Variants in RIMS2 observed in about 807,000 individuals in gnomAD.
The protein encoded by RIMS2 is regulating synaptic membrane exocytosis 2, also known as regulating synaptic membrane exocytosis protein 2.
RIMS2 carries 59 observed loss-of-function variants against 174.4 expected under a neutral mutation model. The observed-to-expected ratio is 0.34, with a 90% CI of 0.27 to 0.42. The LOEUF (loss-of-function observed/expected upper bound fraction) is 0.42. Ranked by LOEUF, RIMS2 falls within the 10% of genes least tolerant of loss-of-function variation. The pLI is 1.00. For synonymous variants in RIMS2, 606 were observed against 572.5 expected (o/e 1.06, Z -0.84); for missense variants, 1,620 against 1,666.3 (o/e 0.97, Z 0.48).
intron 13 of RIMS2, among the ~76,000 whole-genome samples, chr8:103,938,961 C>G (rs2154536842): frequency 6.6e-6 from 1 of 152,320 alleles, no homozygotes; most frequent in South Asian, 2.1e-4. Context: ...AGCTCTACCC[C>G]TGTGGCTTTG....
chr8:103,684,618 G>A (rs1049851313), intron 1 of RIMS2, among the ~76,000 whole-genome samples: 4 of 145,510 alleles, frequency 2.7e-5, no homozygotes, highest in Admixed American at 6.8e-5. Context: ...ACAGACTCTC[G>A]CTCTATCCCC....
In RIMS2 at chr8:103,696,632, C is replaced by T. The variant is rs535046822; in HGVS notation, c.177-454C>T. 3.5e-4 allele frequency among the ~76,000 whole-genome samples: 53 copies of T among 151,746 alleles called. 1 individual carries two copies. Among genetic ancestry groups the T allele is most frequent in the Admixed American group, 2.2e-3 (33 of 15,236 alleles). On this transcript the variant is annotated intron_variant, in intron 1 of 23. Transcript: ENST00000504942. ...CTGTAATCATAGCACTTCAGGAAGC[C>T]GAGGCAGGCGAATCCCTTGAGGTCA... is the stretch of plus-strand genomic sequence containing the variant.
chr8:103,606,012 C>G (rs1217963323), intron 1 of RIMS2, among the ~76,000 whole-genome samples: 1 of 145,700 alleles, frequency 6.9e-6, no homozygotes, highest in Non-Finnish European at 1.5e-5. Context: ...CAGTTCTGCT[C>G]TGATTTTAGT....
chr8:104,240,788 A>G (rs144425215), intron 19 of RIMS2, among the ~76,000 whole-genome samples: 544 of 152,310 alleles, frequency 3.6e-3, no homozygotes, highest in African/African-American at 0.012. Flanking sequence ...TTAGTGGTAG[A>G]GTCAGACCTA....
chr8:103,888,288 C>T (rs906478062), intron 4 of RIMS2, among the ~76,000 whole-genome samples: 1 of 151,290 alleles, frequency 6.6e-6, no homozygotes, highest in Non-Finnish European at 1.5e-5. Flanking sequence ...ATATTTGTTG[C>T]ATTCAAATGA....
rs144137868 is a variant in RIMS2, at chr8:103,894,115, T to TCTTAATGAA, written c.1624+7898_1624+7906dup. ...TTAAGTCACCAGATTTGGTAACTTT[T>TCTTAATGAA]CTTAATGAACTTAACCCAAAATTGT... On this transcript the variant is annotated intron_variant, in intron 4 of 23. Transcript: ENST00000504942. 7.0e-3 allele frequency among the ~76,000 whole-genome samples: 1,062 copies of TCTTAATGAA among 151,036 alleles called. 11 individuals are homozygous for TCTTAATGAA. Among genetic ancestry groups the TCTTAATGAA allele is most frequent in the African/African-American group, 0.025 (1,017 of 40,436 alleles).
intron 1 of RIMS2, among the ~76,000 whole-genome samples, chr8:103,573,793 T>G (rs560694107): frequency 6.6e-6 from 1 of 152,158 alleles, no homozygotes; most frequent in African/African-American, 2.4e-5. Flanking sequence ...GTATATTGCT[T>G]TGGGCATTCT....
intron 1 of RIMS2, among the ~76,000 whole-genome samples, chr8:103,619,255 G>C (rs997527245): frequency 6.9e-6 from 1 of 144,354 alleles, no homozygotes; most frequent in Non-Finnish European, 1.5e-5. Context: ...TGTCTGTTCT[G>C]TAAAAACTAT....
intron 15 of RIMS2, among the ~76,000 whole-genome samples, chr8:103,973,377 A>G (rs1015218948): frequency 3.3e-5 from 5 of 152,190 alleles, no homozygotes; most frequent in African/African-American, 7.2e-5. Context: ...TGGACTAAAA[A>G]CAGCAGGGCT....
chr8:104,208,037 G>C (rs1188159555), intron 19 of RIMS2, among the ~76,000 whole-genome samples: 1 of 151,814 alleles, frequency 6.6e-6, no homozygotes, highest in Non-Finnish European at 1.5e-5. Flanking sequence ...CCAAAATACT[G>C]GGATTACAAG....
chr8:104,168,604 C>T (rs956968964), intron 19 of RIMS2, among the ~76,000 whole-genome samples: 4 of 151,690 alleles, frequency 2.6e-5, no homozygotes, highest in South Asian at 2.1e-4. Flanking sequence ...ATCATATCAG[C>T]GACAGTTTGA....
intron 1 of RIMS2, among the ~76,000 whole-genome samples, chr8:103,678,453 G>C (rs1306615598): frequency 6.6e-6 from 1 of 152,112 alleles, no homozygotes; most frequent in Non-Finnish European, 1.5e-5. Context: ...ATATAATACA[G>C]TGCTTTGATA....
At chr8:103,676,629 A>C (rs1257893639) in intron 1 of RIMS2, among the ~76,000 whole-genome samples, 1 of 151,802 alleles carries the variant, frequency 6.6e-6, no homozygotes, top group African/African-American at 2.4e-5. Context: ...ATATTTTTAG[A>C]AGCTTCTGCA....
intron 19 of RIMS2, among the ~76,000 whole-genome samples, chr8:104,216,942 T>C (rs2099132508): frequency 6.6e-6 from 1 of 152,250 alleles, no homozygotes; most frequent in Admixed American, 6.5e-5. Context: ...ATAGTGTTTA[T>C]GAAAATTAAA....
exon 6 of RIMS2, chr8:103,912,160 G>A: frequency 6.2e-7 from 1 of 1,607,298 alleles, no homozygotes. Context: ...CAGGAGCAAT[G>A]CTTGGCTTGA....
At chr8:103,676,500 TATTA>T (rs1486001015) in intron 1 of RIMS2, among the ~76,000 whole-genome samples, 2 of 152,272 alleles carry the variant, frequency 1.3e-5, no homozygotes, top group South Asian at 2.1e-4. Context: ...CAGAACAGGA[TATTA>T]ATTAAGCCAA....
intron 19 of RIMS2, among the ~76,000 whole-genome samples, chr8:104,142,125 T>C (rs2098585157): frequency 6.6e-6 from 1 of 151,198 alleles, no homozygotes; most frequent in Admixed American, 6.6e-5. Context: ...TCTTCCTTTT[T>C]TTTTTTTTTT....
intron 19 of RIMS2, among the ~76,000 whole-genome samples, chr8:104,057,241 A>G (rs2096885906): frequency 6.6e-6 from 1 of 151,366 alleles, no homozygotes; most frequent in Non-Finnish European, 1.5e-5. Flanking sequence ...TAAATTTTTT[A>G]TTTTTTGTTG....
At chr8:104,192,263 G>A (rs2099001664) in intron 19 of RIMS2, among the ~76,000 whole-genome samples, 1 of 152,040 alleles carries the variant, frequency 6.6e-6, no homozygotes, top group Admixed American at 6.6e-5. Context: ...CTTTAAAAAT[G>A]CATGCTTTGT....
Sources: gnomAD v4.1 joint callset for allele counts (sites outside exome capture counted in the v4.1 genomes callset) on GRCh38, gnomAD v4.1.1 for gene constraint, MANE v1.5 for transcripts, NCBI Gene and HGNC (gene_info 2026-07-23, HGNC 2026-07-21) for gene names.